CPLANE1: variants seen among roughly 807,000 people sequenced by gnomAD.
The protein encoded by CPLANE1 is ciliogenesis and planar polarity effector complex subunit 1.
Under a neutral mutation model 362.5 loss-of-function variants are expected in CPLANE1, and 263 were observed. The ratio of observed to expected loss-of-function variants is 0.73; its 90% confidence interval spans 0.66 to 0.80. CPLANE1 has a LOEUF of 0.80. Among genes scored for constraint, CPLANE1 ranks in the 30% least tolerant of loss-of-function variants. The probability of loss-of-function intolerance (pLI) is 0.00; values close to 1 mark genes in which losing one functional copy is unlikely to be tolerated. For missense variants in CPLANE1, 3,461 were observed against 3,793.4 expected (o/e 0.91, Z 2.30); for synonymous variants, 1,212 against 1,302.6 (o/e 0.93, Z 1.50).
chr5:37,162,403 G>T, intron 38 of CPLANE1, 62 bp downstream of exon 38: 1 of 1,012,356 alleles, frequency 9.9e-7, no homozygotes, highest in Non-Finnish European at 1.5e-6. Flanking sequence ...TAAAGGAAAA[G>T]TCTAGATAAC....
At chr5:37,240,126 T>G (rs551230209) in intron 6 of CPLANE1, among the ~76,000 whole-genome samples, 5 of 151,900 alleles carry the variant, frequency 3.3e-5, no homozygotes, top group African/African-American at 7.3e-5. Flanking sequence ...CAGAGACGGG[T>G]GGATCACTTG....
At chr5:37,138,625 G>T in intron 46 of CPLANE1, 95 bp downstream of exon 46, 1 of 1,333,802 alleles carries the variant, frequency 7.5e-7, no homozygotes, top group Non-Finnish European at 1.1e-6. Flanking sequence ...CTTCAGATTT[G>T]TTTCATAAAA....
chr5:37,136,495 G>A (rs998668928), intron 46 of CPLANE1, among the ~76,000 whole-genome samples: 5 of 152,134 alleles, frequency 3.3e-5, no homozygotes, highest in African/African-American at 9.7e-5. Flanking sequence ...GCAAGCTGTC[G>A]GTAAATCTAC....
At chr5:37,218,123 G>A (rs1374716081) in intron 15 of CPLANE1, among the ~76,000 whole-genome samples, 1 of 152,142 alleles carries the variant, frequency 6.6e-6, no homozygotes, top group African/African-American at 2.4e-5. Context: ...CTTGTAAGGT[G>A]GTCCTTGGCT....
chr5:37,227,590 T>C lies in CPLANE1; in HGVS notation c.1349A>G (p.Tyr450Cys). The C allele has an allele frequency of 6.4e-7, 1 of 1,551,186 alleles. No individual in the cohort carries two copies. Among genetic ancestry groups the C allele is most frequent in the East Asian group, 2.4e-5 (1 of 40,870 alleles). ...TACCTTAGACAATATCACACTTTGATATATTTTCTCAAGCCTCTGGGTTGA... is the reference window on the plus strand; with the variant it reads ...TACCTTAGACAATATCACACTTTGACATATTTTCTCAAGCCTCTGGGTTGA... Reference protein sequence around the residue: ...LDSTQRLEKIYQSVILSKPKG... With the variant: ...LDSTQRLEKICQSVILSKPKG... Residue 450 changes from tyrosine to cysteine, a missense_variant, in exon 10 of 53, where the codon TAT (tyrosine) becomes TGT (cysteine). Transcript: ENST00000651892.
At chr5:37,076,320 TTTTTC>T in the CPLANE1 span, among the ~76,000 whole-genome samples, 2 of 151,962 alleles carry the variant, frequency 1.3e-5, no homozygotes, top group Non-Finnish European at 2.9e-5. Flanking sequence ...TCAAACTTTT[TTTTTC>T]TTTTGTTTTT....
intron 47 of CPLANE1, among the ~76,000 whole-genome samples, chr5:37,124,490 A>AT (rs1010070487): frequency 2.0e-5 from 3 of 152,114 alleles, no homozygotes; most frequent in African/African-American, 4.8e-5. Context: ...CTGGACAATA[A>AT]TTTTTTTTGT....
chr5:37,169,083 T>C lies in CPLANE1; in HGVS notation c.6941A>G (p.His2314Arg). The C allele has an allele frequency of 1.2e-6, 2 of 1,614,206 alleles. No homozygotes were observed. Among genetic ancestry groups the C allele is most frequent in the East Asian group, 2.2e-5 (1 of 44,892 alleles). Residue 2314 changes from histidine to arginine, a missense_variant, in exon 34 of 53, where the codon CAT (histidine) becomes CGT (arginine). His to Arg is a conservative substitution (Grantham distance 29). Around this residue, in one of 2 missense-constraint regions of CPLANE1, gnomAD observed 3,380 missense variants for 3,666.1 expected, o/e 0.92. Transcript: ENST00000651892. ...TCCAACATATTGATCCAAGTTCACA[T>C]GATTAGGAATTTCTGTAATTACAGT... is the stretch of plus-strand genomic sequence containing the variant. The part of the protein sequence containing the change: ...AETVITEIPN[H>R]VNLDQYVGQE...
chr5:37,180,249 GTTTTT>G (rs369468634), intron 27 of CPLANE1, 66 bp from the exon 28 acceptor site: 1 of 944,764 alleles, frequency 1.1e-6, no homozygotes, highest in Non-Finnish European at 1.4e-6. Flanking sequence ...TCAGTTTTGG[GTTTTT>G]TTTTTGTTTT....
intron 47 of CPLANE1, among the ~76,000 whole-genome samples, chr5:37,124,064 G>A (rs548496154): frequency 1.1e-4 from 17 of 151,968 alleles, no homozygotes; most frequent in African/African-American, 3.1e-4. Flanking sequence ...TCAAGAAAAC[G>A]TTACGTTAAC....
downstream of CPLANE1, among the ~76,000 whole-genome samples, chr5:37,104,467 G>C (rs114570206): frequency 5.7e-3 from 866 of 151,542 alleles, 4 homozygotes; most frequent in Middle Eastern, 0.014. Context: ...GGGCATGATG[G>C]CACGTGCCTT....
chr5:37,205,123 C>T, intron 18 of CPLANE1, 192 bp downstream of exon 18: 1 of 341,092 alleles, frequency 2.9e-6, no homozygotes. Context: ...CGCCACTGCA[C>T]TCCAGCCTGG....
chr5:37,228,617 A>T (rs1053928554), intron 9 of CPLANE1, among the ~76,000 whole-genome samples: 3 of 152,202 alleles, frequency 2.0e-5, no homozygotes, highest in Middle Eastern at 3.2e-3. Flanking sequence ...TCTAGTTTTT[A>T]AAAAAGAAAC....
At chr5:37,166,208 A>T (rs1476583998) in intron 35 of CPLANE1, among the ~76,000 whole-genome samples, 2 of 152,226 alleles carry the variant, frequency 1.3e-5, no homozygotes, top group Non-Finnish European at 1.5e-5. Context: ...ACTTAGTAAT[A>T]ATCTACCAAT....
At chr5:37,176,870 T>G (rs1200728012) in intron 30 of CPLANE1, among the ~76,000 whole-genome samples, 1 of 151,732 alleles carries the variant, frequency 6.6e-6, no homozygotes, top group Non-Finnish European at 1.5e-5. Flanking sequence ...GCCATTCTCC[T>G]GCCTCAGCCT....
At chr5:37,240,995 C>T (rs1027530577) in intron 6 of CPLANE1, among the ~76,000 whole-genome samples, 2 of 150,856 alleles carry the variant, frequency 1.3e-5, no homozygotes, top group East Asian at 2.0e-4. Context: ...AATTAGCCAG[C>T]CGTGGGGGTG....
chr5:37,214,141 A>G (rs932753427), intron 15 of CPLANE1, among the ~76,000 whole-genome samples: 1 of 152,160 alleles, frequency 6.6e-6, no homozygotes, highest in East Asian at 1.9e-4. Context: ...TTAGTACCAT[A>G]AAATACATAT....
At chr5:37,200,277 A>C (rs985148497) in intron 19 of CPLANE1, among the ~76,000 whole-genome samples, 1 of 152,222 alleles carries the variant, frequency 6.6e-6, no homozygotes, top group Non-Finnish European at 1.5e-5. Flanking sequence ...AACCTTACCA[A>C]GGAGAATTGC....
the CPLANE1 span, among the ~76,000 whole-genome samples, chr5:37,093,416 T>C: frequency 6.6e-6 from 1 of 152,090 alleles, no homozygotes; most frequent in Non-Finnish European, 1.5e-5. Context: ...CAATGCATAG[T>C]TGGGATGAGG....
Sources: gnomAD v4.1 joint callset for allele counts (sites outside exome capture counted in the v4.1 genomes callset) on GRCh38, gnomAD v4.1.1 for gene constraint, gnomAD v4.1.1 regional missense constraint, MANE v1.5 for transcripts, NCBI Gene and HGNC (gene_info 2026-07-23, HGNC 2026-07-21) for gene names.